Variants in MROH2B observed in about 807,000 individuals in gnomAD.
MROH2B encodes maestro heat-like repeat-containing protein family member 2B.
In MROH2B, 177 loss-of-function variants were observed where a neutral mutation model predicts 208.6. The ratio of observed to expected loss-of-function variants is 0.85; its 90% CI spans 0.75 to 0.96. The LOEUF (loss-of-function observed/expected upper bound fraction) is 0.96. MROH2B is among the 40% of genes least tolerant of loss of function. The pLI, the probability that MROH2B is intolerant of heterozygous loss-of-function variation, is 0.00. For synonymous variants in MROH2B, 728 were observed against 659.0 expected, an observed-to-expected ratio of 1.10 and a Z score of -1.60; for missense variants, 2,002 against 1,878.7, an observed-to-expected ratio of 1.07 and a Z score of -1.21.
At position 41,053,985 on chromosome 5, in the gene MROH2B, CT is replaced by C. The variant is rs112877934; in HGVS notation, c.1107+781del. Among the ~76,000 whole-genome samples, 419 of 145,648 alleles carry C rather than the reference CT, an allele frequency of 2.9e-3. 1 individual carries two copies. The highest frequency in any genetic ancestry group is 8.6e-3 in the African/African-American group (342 of 39,948). On this transcript the variant is annotated intron_variant, in intron 11 of 41. Coordinates refer to ENST00000399564, the MANE Select transcript of MROH2B (RefSeq NM_173489.5). ...TTCTATAACTTCTAACATAGAACAC[CT>C]TTTTTTTTTTAAAGAGAGAGTCTTA...
intron 24 of MROH2B, among the ~76,000 whole-genome samples, chr5:41,028,967 T>C (rs949105113): frequency 1.3e-5 from 2 of 152,116 alleles, no homozygotes; most frequent in African/African-American, 4.8e-5. Context: ...GGTGGTAATT[T>C]CATTTCCTTT....
chr5:41,033,155 C>A lies in MROH2B; in HGVS notation c.2247G>T (p.Met749Ile). The change falls in exon 23 of 42, where the codon ATG becomes ATT. Residue 749 changes from methionine (M) to isoleucine (I), a missense_variant. Coordinates refer to ENST00000399564, the MANE Select transcript of MROH2B (RefSeq NM_173489.5). ...VLGMSVMNKDMDLQMSFTRSI... is the reference protein window; with the variant it reads ...VLGMSVMNKDIDLQMSFTRSI... ...TTCTTGTGAAACTCATTTGCAGATC[C>A]ATGTCCTAAAGCAAAAGCATTTACA... is the stretch of plus-strand genomic sequence containing the variant. The A allele has an allele frequency of 3.1e-6, 5 of 1,612,610 alleles. No individual in the cohort carries two copies. The highest frequency in any genetic ancestry group is 4.2e-6 in the Non-Finnish European group (5 of 1,179,018).
intron 24 of MROH2B, among the ~76,000 whole-genome samples, chr5:41,020,459 T>C (rs561069461): frequency 6.6e-6 from 1 of 152,296 alleles, no homozygotes; most frequent in Admixed American, 6.5e-5. Context: ...CTTACCACAT[T>C]TGGAGAAATT....
intron 34 of MROH2B, 94 bp from the exon 35 acceptor site, chr5:41,005,739 A>C: frequency 9.2e-7 from 1 of 1,085,584 alleles, no homozygotes; most frequent in Non-Finnish European, 1.4e-6. Context: ...TTGTCTAAAA[A>C]GGAATGCTTG....
intron 29 of MROH2B, among the ~76,000 whole-genome samples, chr5:41,013,121 CA>C (rs1371221089): frequency 6.6e-6 from 1 of 152,132 alleles, no homozygotes; most frequent in African/African-American, 2.4e-5. Flanking sequence ...TTGAATCTGC[CA>C]CATAATACCT....
intron 29 of MROH2B, among the ~76,000 whole-genome samples, chr5:41,013,447 C>T (rs183152773): frequency 2.2e-4 from 34 of 152,202 alleles, no homozygotes; most frequent in African/African-American, 7.5e-4. Context: ...GAATGAGTTC[C>T]AGGATCATTA....
intron 11 of MROH2B, 27 bp from the exon 12 acceptor site, chr5:41,052,614 C>A: frequency 6.4e-7 from 1 of 1,573,348 alleles, no homozygotes; most frequent in South Asian, 1.2e-5. Context: ...GCAATAGCAA[C>A]ATTTTACTAT....
intron 17 of MROH2B, among the ~76,000 whole-genome samples, chr5:41,047,085 A>G (rs1257185000): frequency 3.3e-5 from 5 of 151,524 alleles, no homozygotes; most frequent in Non-Finnish European, 4.4e-5. Flanking sequence ...AAAACCTTCT[A>G]TATTAAAAGC....
In MROH2B at chr5:41,018,366, G is replaced by T. The variant is rs369144504; in HGVS notation, c.2738C>A (p.Ala913Glu). Residue 913 changes from alanine to glutamate, a missense_variant, in exon 27 of 42, where the codon GCG (alanine) becomes GAG (glutamate). Transcript: ENST00000399564. ...CTCAATATCATTTGTCAGCACTTTCGCAGTGATCTGGAAGGCTCTTTCTCT... is the reference window on the plus strand; with the variant it reads ...CTCAATATCATTTGTCAGCACTTTCTCAGTGATCTGGAAGGCTCTTTCTCT... ...WERERAFQIT[A>E]KVLTNDIEAP... The T allele has an allele frequency of 5.0e-5, 80 of 1,613,106 alleles. No homozygotes were observed. Among genetic ancestry groups the T allele is most frequent in the African/African-American group, 1.7e-4 (13 of 75,056 alleles).
rs1458236076 is a variant in MROH2B, at chr5:41,018,450, T to C, written c.2674-20A>G. 6.2e-7 allele frequency: 1 copy of C among 1,604,088 alleles called. No homozygotes were observed. On this transcript the variant is annotated intron_variant, in intron 26 of 41. Transcript: ENST00000399564. ...GAGAAGCTGTTGGTCAAAGAATAAA[T>C]GTTCTTTCCTTAGTATTCTTCATAT...
chr5:41,026,823 C>G (rs527614290), intron 24 of MROH2B, among the ~76,000 whole-genome samples: 1 of 152,332 alleles, frequency 6.6e-6, no homozygotes, highest in African/African-American at 2.4e-5. Context: ...CAGCATGGTA[C>G]TCATGCCAAA....
chr5:41,063,378 G>A (rs1352204179), intron 5 of MROH2B, among the ~76,000 whole-genome samples: 1 of 152,168 alleles, frequency 6.6e-6, no homozygotes, highest in Non-Finnish European at 1.5e-5. Flanking sequence ...TGTGACCTAA[G>A]GCAAGCTGTT....
intron 9 of MROH2B, 68 bp from the exon 10 acceptor site, chr5:41,055,923 G>T: frequency 9.1e-7 from 1 of 1,095,136 alleles, no homozygotes. Flanking sequence ...GTGAATGGGA[G>T]GAGGGAAATT....
In MROH2B at chr5:40,999,711, C is replaced by T; in HGVS notation, c.4551G>A (p.Trp1517Ter). 1 of 1,613,578 alleles carries T rather than the reference C, an allele frequency of 6.2e-7. No individual in the cohort carries two copies. Among genetic ancestry groups the T allele is most frequent in the Non-Finnish European group, 8.5e-7 (1 of 1,179,606 alleles). ...TGACAGCTGCACTCCTGATCACCTCCCAGGTGCTGGTGAAGAAGGTGAAGG... is the reference window on the plus strand; with the variant it reads ...TGACAGCTGCACTCCTGATCACCTCTCAGGTGCTGGTGAAGAAGGTGAAGG... The part of the protein sequence containing the change: ...THSFTFFTST[W>*]EVIRSAAVKL... Residue 1517 changes from tryptophan (W) to a stop codon, truncating the protein, a stop_gained, in exon 40 of 42, where the codon TGG (tryptophan) becomes TGA (stop). Transcript: ENST00000399564. LOFTEE classifies it high-confidence loss of function.
intron 24 of MROH2B, among the ~76,000 whole-genome samples, chr5:41,028,955 G>A (rs1220795853): frequency 2.0e-5 from 3 of 151,986 alleles, no homozygotes; most frequent in Non-Finnish European, 4.4e-5. Flanking sequence ...ATATCTTTAC[G>A]AGGTGGTAAT....
intron 24 of MROH2B, among the ~76,000 whole-genome samples, chr5:41,030,517 G>A (rs191096668): frequency 6.6e-6 from 1 of 152,032 alleles, no homozygotes; most frequent in Non-Finnish European, 1.5e-5. Context: ...AGGAAGGGAA[G>A]AATCAATGTT....
intron 24 of MROH2B, among the ~76,000 whole-genome samples, chr5:41,023,054 A>C (rs1347804417): frequency 6.6e-6 from 1 of 152,212 alleles, no homozygotes; most frequent in Non-Finnish European, 1.5e-5. Context: ...CATCACCATC[A>C]TCAAAGACCA....
chr5:41,049,858 G>A (rs1040025356), intron 13 of MROH2B, among the ~76,000 whole-genome samples: 2 of 152,200 alleles, frequency 1.3e-5, no homozygotes, highest in Non-Finnish European at 1.5e-5. Flanking sequence ...GGAGAGGATA[G>A]TGAATGGGCT....
intron 13 of MROH2B, among the ~76,000 whole-genome samples, chr5:41,050,131 G>C (rs1472596075): frequency 6.6e-6 from 1 of 152,150 alleles, no homozygotes; most frequent in Non-Finnish European, 1.5e-5. Flanking sequence ...AGTTGCATCT[G>C]ATCTCCTATA....
Sources: allele counts gnomAD v4.1 joint callset (sites outside exome capture counted in the v4.1 genomes callset), GRCh38; gene constraint gnomAD v4.1.1; transcripts MANE v1.5; gene names NCBI Gene and HGNC (gene_info 2026-07-23, HGNC 2026-07-21).